The following CADM1 variants were observed in gnomAD, a reference collection of about 807,000 sequenced individuals.
CADM1 encodes the protein TSLC-1.
In CADM1, 15 loss-of-function variants were observed where a neutral mutation model predicts 53.1. The ratio of observed to expected loss-of-function variants is 0.28; its 90% CI spans 0.19 to 0.44. The LOEUF is 0.44. CADM1 is among the 20% of genes least tolerant of loss of function. CADM1 has a pLI of 1.00. For missense variants in CADM1, 434 were observed against 611.3 expected, an observed-to-expected ratio of 0.71 and a Z score of 3.06; for synonymous variants, 281 against 243.0, an observed-to-expected ratio of 1.16 and a Z score of -1.45.
chr11:115,471,081 A>G (rs1181843424), intron 1 of CADM1, among the ~76,000 whole-genome samples: 2 of 152,180 alleles, frequency 1.3e-5, no homozygotes, highest in Non-Finnish European at 2.9e-5. Context: ...CCTAGCACAA[A>G]CATCTTCATT....
rs1343598041 is a variant in CADM1 at position 115,178,713 on chromosome 11, C to T, written c.1228G>A (p.Val410Met). The T allele has an allele frequency of 2.5e-6, 4 of 1,613,712 alleles. No homozygotes were observed. Among genetic ancestry groups the T allele is most frequent in the Non-Finnish European group, 3.4e-6 (4 of 1,179,950 alleles). Residue 410 changes from valine to methionine, a missense_variant, in exon 11 of 12, where the codon GTG (valine) becomes ATG (methionine). By Grantham distance (21) the Val-to-Met change is conservative. This residue lies in a region of CADM1 where 311 missense variants were observed against 435.1 expected (regional missense o/e 0.71). Coordinates refer to ENST00000331581, the MANE Select transcript of CADM1 (RefSeq NM_001301043.2). ...AVDHAVIGGV[V>M]AVVVFAMLCL... Reference sequence around the variant, plus strand: ...AGCATGGCGAACACCACCACCGCCACGACGCCACCGATCACGGCATGATCC... The same window carrying T: ...AGCATGGCGAACACCACCACCGCCATGACGCCACCGATCACGGCATGATCC...
chr11:115,372,095 T>C (rs1263473217), intron 1 of CADM1, among the ~76,000 whole-genome samples: 1 of 152,186 alleles, frequency 6.6e-6, no homozygotes, highest in African/African-American at 2.4e-5. Context: ...GAAGGTATAA[T>C]TCATTGTTAC....
intron 1 of CADM1, among the ~76,000 whole-genome samples, chr11:115,260,561 G>C (rs573779131): frequency 6.6e-6 from 1 of 152,318 alleles, no homozygotes; most frequent in East Asian, 1.9e-4. Flanking sequence ...TAGGTCAAAT[G>C]GCTACATGAG....
chr11:115,390,952 G>C (rs1323235726), intron 1 of CADM1, among the ~76,000 whole-genome samples: 1 of 152,120 alleles, frequency 6.6e-6, no homozygotes, highest in East Asian at 1.9e-4. Flanking sequence ...ACTTATGTGA[G>C]GCACATTCAT....
intron 1 of CADM1, among the ~76,000 whole-genome samples, chr11:115,275,437 G>A (rs1221133592): frequency 6.6e-6 from 1 of 152,090 alleles, no homozygotes; most frequent in Non-Finnish European, 1.5e-5. Flanking sequence ...GTGACCTTAG[G>A]AGATAGATGC....
chr11:115,199,675 T>C (rs957639978), intron 8 of CADM1, among the ~76,000 whole-genome samples: 50 of 152,218 alleles, frequency 3.3e-4, no homozygotes, highest in Admixed American at 8.5e-4. Flanking sequence ...CATACTTTCA[T>C]TTTGAGTTCT....
intron 1 of CADM1, among the ~76,000 whole-genome samples, chr11:115,360,785 C>T (rs1252241779): frequency 1.3e-5 from 2 of 152,176 alleles, no homozygotes; most frequent in African/African-American, 2.4e-5. Flanking sequence ...CCAACTGTGA[C>T]CTTGAGCCCC....
chr11:115,406,579 CTTA>C (rs1167806226), intron 1 of CADM1, among the ~76,000 whole-genome samples: 2 of 146,246 alleles, frequency 1.4e-5, no homozygotes, highest in South Asian at 2.2e-4. Flanking sequence ...TATTATATAC[CTTA>C]TTATAATAAA....
intron 1 of CADM1, among the ~76,000 whole-genome samples, chr11:115,245,825 C>T (rs967679835): frequency 6.6e-6 from 1 of 152,182 alleles, no homozygotes; most frequent in Non-Finnish European, 1.5e-5. Flanking sequence ...CAATTATTGT[C>T]AGCATATTTT....
At position 115,353,021 on chromosome 11, in the gene CADM1, A is replaced by G. The variant is rs542763084; in HGVS notation, c.125-112601T>C. Among the ~76,000 whole-genome samples, 4 of 152,356 alleles carry G rather than the reference A, an allele frequency of 2.6e-5. No individual in the cohort carries two copies. In the East Asian group the frequency reaches 7.7e-4, roughly 29 times the overall value. ...TGCGAACTTGATTTCTCTTGAGATA[A>G]CTTTTGAATTATTTCCTTATCTTTG... On this transcript the variant is annotated intron_variant, in intron 1 of 11. Coordinates refer to ENST00000331581, the MANE Select transcript of CADM1 (RefSeq NM_001301043.2).
Position 115,372,060 on chromosome 11 carries a change from T to G in CADM1, c.125-131640A>C, listed in dbSNP as rs1946321815. On this transcript the variant is annotated intron_variant, in intron 1 of 11. Coordinates refer to ENST00000331581, the MANE Select transcript of CADM1 (RefSeq NM_001301043.2). ...AAAAATGCTCATTTGAAGTTTACTT[T>G]TATATCTTTTACAAAATTAGCAGTG... Among the ~76,000 whole-genome samples, 2 of 152,198 alleles carry G rather than the reference T, an allele frequency of 1.3e-5. 1 individual carries two copies. Among genetic ancestry groups the G allele is most frequent in the South Asian group, 4.1e-4 (2 of 4,834 alleles).
At chr11:115,278,051 A>C (rs1220677231) in intron 1 of CADM1, among the ~76,000 whole-genome samples, 2 of 152,042 alleles carry the variant, frequency 1.3e-5, no homozygotes, top group African/African-American at 4.8e-5. Flanking sequence ...TCCCCTGCAG[A>C]GAAGCTTATC....
intron 1 of CADM1, among the ~76,000 whole-genome samples, chr11:115,391,392 A>C (rs918226201): frequency 2.6e-5 from 4 of 152,262 alleles, no homozygotes; most frequent in African/African-American, 9.6e-5. Flanking sequence ...AAAACAACAC[A>C]GTTCCATTCT....
rs548097910 is a variant in CADM1 at position 115,253,694 on chromosome 11, C to T, written c.125-13274G>A. The stretch of plus-strand genomic sequence containing the variant: ...ACCCACCTATTACTAATCTACTCAT[C>T]ACAGCGGAAAACTGACCATGGAGGA... On this transcript the variant is annotated intron_variant, in intron 1 of 11. Transcript: ENST00000331581. Among the ~76,000 whole-genome samples, 14 of 152,290 alleles carry T rather than the reference C, an allele frequency of 9.2e-5. No homozygotes were observed. The South Asian group carries it at 2.1e-3, about 23-fold the overall frequency.
rs546894512 is a variant in CADM1 at position 115,249,249 on chromosome 11, TTATAA to T, written c.125-8834_125-8830del. On this transcript the variant is annotated intron_variant, in intron 1 of 11. Transcript: ENST00000331581. ...TGTATCAACCACTTTGCTAATGAAC[TTATAA>T]TATGATATTATACTCTAGGAAACAT... is the stretch of plus-strand genomic sequence containing the variant. Among the ~76,000 whole-genome samples the T allele has an allele frequency of 4.4e-3, 676 of 152,360 alleles. 5 individuals are homozygous for T. Among genetic ancestry groups the T allele is most frequent in the Middle Eastern group, 0.014 (4 of 294 alleles).
At chr11:115,415,527 G>C (rs545715826) in intron 1 of CADM1, among the ~76,000 whole-genome samples, 1 of 151,910 alleles carries the variant, frequency 6.6e-6, no homozygotes, top group Admixed American at 6.6e-5. Flanking sequence ...GACAAGGAAC[G>C]ATTAAAATTT....
In CADM1 at chr11:115,239,771, G is replaced by A. The variant is rs187452039; in HGVS notation, c.271+503C>T. Among the ~76,000 whole-genome samples, 6 of 150,496 alleles carry A rather than the reference G, an allele frequency of 4.0e-5. No individual in the cohort carries two copies. The East Asian group carries it at 1.2e-3, about 30-fold the overall frequency. ...TCTTACTAAGCCCTGACACTGATAT[G>A]AACCATTTCTATTCTATACAAGTCC... On this transcript the variant is annotated intron_variant, in intron 2 of 11. Coordinates refer to ENST00000331581, the MANE Select transcript of CADM1 (RefSeq NM_001301043.2).
intron 1 of CADM1, among the ~76,000 whole-genome samples, chr11:115,472,879 C>G (rs550008512): frequency 6.6e-6 from 1 of 151,484 alleles, no homozygotes; most frequent in Admixed American, 6.6e-5. Context: ...GCCTAGAAAG[C>G]GAAAAAAAAC....
At chr11:115,231,205 C>A in intron 4 of CADM1, 148 bp downstream of exon 4, 1 of 907,486 alleles carries the variant, frequency 1.1e-6, no homozygotes, top group Non-Finnish European at 1.8e-6. Context: ...ATGCTTTGGC[C>A]TCAGACATAT....
Sources: allele counts gnomAD v4.1 joint callset (sites outside exome capture counted in the v4.1 genomes callset), GRCh38; gene constraint gnomAD v4.1.1; regional missense constraint gnomAD v4.1.1; transcripts MANE v1.5; gene names NCBI Gene and HGNC (gene_info 2026-07-23, HGNC 2026-07-21).